Variants in NCKAP5 observed in about 807,000 individuals in gnomAD.
NCKAP5 encodes nck-associated protein 5.
NCKAP5 carries 92 observed loss-of-function variants against 167.0 expected under a neutral mutation model. The ratio of observed to expected loss-of-function variants is 0.55; its 90% CI spans 0.47 to 0.66. The LOEUF (loss-of-function observed/expected upper bound fraction) is 0.66. NCKAP5 is among the 30% of genes least tolerant of loss of function. The probability of loss-of-function intolerance (pLI) is 0.00; values close to 1 mark genes in which losing one functional copy is unlikely to be tolerated. For synonymous variants in NCKAP5, 891 were observed against 877.4 expected (o/e 1.02, Z -0.27); for missense variants, 2,378 against 2,315.0 (o/e 1.03, Z -0.56).
chr2:133,620,169 A>G, the NCKAP5 span, among the ~76,000 whole-genome samples: 1 of 62,418 alleles, frequency 1.6e-5, no homozygotes, highest in Non-Finnish European at 3.2e-5. Context: ...CTATATAACA[A>G]TAACACAATG....
At chr2:133,077,134 A>G (rs905633219) in intron 6 of NCKAP5, among the ~76,000 whole-genome samples, 2 of 152,218 alleles carry the variant, frequency 1.3e-5, no homozygotes, top group Non-Finnish European at 2.9e-5. Flanking sequence ...ACAGCAATGA[A>G]TTTCATTCAT....
chr2:132,825,144 T>C (rs1354024184), intron 11 of NCKAP5, among the ~76,000 whole-genome samples: 2 of 152,172 alleles, frequency 1.3e-5, no homozygotes, highest in African/African-American at 2.4e-5. Context: ...AGCAGTTAAG[T>C]GGACTTTAAT....
chr2:133,203,149 A>G (rs1225920446), intron 5 of NCKAP5, among the ~76,000 whole-genome samples: 2 of 152,236 alleles, frequency 1.3e-5, no homozygotes, highest in African/African-American at 4.8e-5. Context: ...CCAAATGTCC[A>G]TGAATGATAG....
At chr2:133,655,171 C>T in the NCKAP5 span, among the ~76,000 whole-genome samples, 1 of 152,194 alleles carries the variant, frequency 6.6e-6, no homozygotes, top group Non-Finnish European at 1.5e-5. Flanking sequence ...TGAGTGATTG[C>T]ACTCTGCTGT....
At chr2:133,401,124 A>G (rs1163680478) in intron 3 of NCKAP5, among the ~76,000 whole-genome samples, 1 of 152,172 alleles carries the variant, frequency 6.6e-6, no homozygotes, top group Non-Finnish European at 1.5e-5. Flanking sequence ...CAACGATTTA[A>G]TCAATCACGT....
At chr2:132,930,285 T>G (rs1696267636) in intron 8 of NCKAP5, 1 of 152,180 alleles carries the variant, frequency 6.6e-6, no homozygotes, top group South Asian at 2.1e-4. Context: ...ATGTGATAAT[T>G]AATTTTATGT....
intron 3 of NCKAP5, among the ~76,000 whole-genome samples, chr2:133,382,140 A>G (rs1045996440): frequency 6.6e-6 from 1 of 152,200 alleles, no homozygotes. Flanking sequence ...GCTGAAAGCT[A>G]AGAGTCATCC....
chr2:133,505,320 T>C (rs1052976020), intron 3 of NCKAP5, among the ~76,000 whole-genome samples: 5 of 152,112 alleles, frequency 3.3e-5, no homozygotes, highest in African/African-American at 1.2e-4. Context: ...AACACCTGGG[T>C]AAACATTTCT....
At chr2:133,566,171 C>G (rs964489247) in intron 1 of NCKAP5, among the ~76,000 whole-genome samples, 3 of 152,080 alleles carry the variant, frequency 2.0e-5, no homozygotes, top group Non-Finnish European at 1.5e-5. Context: ...GAGGTCCAGG[C>G]TTCAGTGAGA....
At chr2:133,123,101 A>G (rs1193028137) in intron 6 of NCKAP5, 1 of 152,224 alleles carries the variant, frequency 6.6e-6, no homozygotes, top group African/African-American at 2.4e-5. Context: ...TGTTTTCTCT[A>G]CAGGGATGAA....
intron 16 of NCKAP5, among the ~76,000 whole-genome samples, chr2:132,765,375 C>A (rs1354659661): frequency 7.1e-6 from 1 of 140,470 alleles, no homozygotes; most frequent in Non-Finnish European, 1.5e-5. Context: ...CAGTGAGTGG[C>A]ATGATCTCGG....
chr2:133,620,816 T>C, the NCKAP5 span, among the ~76,000 whole-genome samples: 1 of 152,152 alleles, frequency 6.6e-6, no homozygotes, highest in East Asian at 1.9e-4. Context: ...CTGCAGAATA[T>C]ACATTCTATT....
intron 3 of NCKAP5, among the ~76,000 whole-genome samples, chr2:133,373,647 G>A (rs775794996): frequency 9.2e-5 from 14 of 152,164 alleles, no homozygotes; most frequent in Non-Finnish European, 1.6e-4. Context: ...AACTGAGACC[G>A]TCTGACTTCA....
At chr2:133,615,612 A>T in the NCKAP5 span, among the ~76,000 whole-genome samples, 2 of 152,234 alleles carry the variant, frequency 1.3e-5, no homozygotes, top group African/African-American at 4.8e-5. Flanking sequence ...TATCCTAAAT[A>T]TAGATGCACC....
chr2:133,386,684 A>T (rs1686994103), intron 3 of NCKAP5, among the ~76,000 whole-genome samples: 1 of 152,160 alleles, frequency 6.6e-6, no homozygotes, highest in Admixed American at 6.5e-5. Flanking sequence ...TGGGAGTCTA[A>T]GTCTCTTTGT....
intron 2 of NCKAP5, among the ~76,000 whole-genome samples, chr2:133,532,024 G>A (rs565116778): frequency 4.6e-5 from 7 of 152,164 alleles, no homozygotes; most frequent in Non-Finnish European, 8.8e-5. Context: ...TATTTCTACT[G>A]TGTATGCATA....
intron 6 of NCKAP5, among the ~76,000 whole-genome samples, chr2:133,029,206 T>C (rs1377424735): frequency 1.3e-5 from 2 of 152,204 alleles, no homozygotes; most frequent in African/African-American, 4.8e-5. Context: ...TACAGCAACA[T>C]AGGCAGTTGT....
At chr2:133,502,503 A>G (rs1682613496) in intron 3 of NCKAP5, among the ~76,000 whole-genome samples, 1 of 152,218 alleles carries the variant, frequency 6.6e-6, no homozygotes, top group Non-Finnish European at 1.5e-5. Flanking sequence ...AAATATAGAT[A>G]TCTCACTGCT....
intron 5 of NCKAP5, among the ~76,000 whole-genome samples, chr2:133,134,944 C>G (rs1431487199): frequency 6.6e-6 from 1 of 152,150 alleles, no homozygotes; most frequent in Non-Finnish European, 1.5e-5. Context: ...CTATGTACCC[C>G]CAACATGGAG....
Sources: allele counts gnomAD v4.1 joint callset (sites outside exome capture counted in the v4.1 genomes callset), GRCh38; gene constraint gnomAD v4.1.1; transcripts MANE v1.5; gene names NCBI Gene and HGNC (gene_info 2026-07-23, HGNC 2026-07-21).